CAND2: variants seen among roughly 807,000 people sequenced by gnomAD.
The protein encoded by CAND2 is cullin-associated NEDD8-dissociated protein 2.
A neutral mutation model predicts 98.9 loss-of-function variants in CAND2; 62 were observed. That is an observed-to-expected ratio of 0.63 (90% CI 0.51 to 0.77). The LOEUF is 0.77. Ranked by LOEUF, CAND2 falls within the 30% of genes least tolerant of loss-of-function variation. The pLI is 0.00. For synonymous variants in CAND2, 770 were observed against 731.9 expected (o/e 1.05, Z -0.84); for missense variants, 1,501 against 1,655.2 (o/e 0.91, Z 1.62).
chr3:12,811,528 A>G (rs2061851670), intron 5 of CAND2, among the ~76,000 whole-genome samples: 1 of 152,196 alleles, frequency 6.6e-6, no homozygotes, highest in African/African-American at 2.4e-5. Context: ...TTGATAACAG[A>G]TGCTATTTAT....
intron 13 of CAND2, among the ~76,000 whole-genome samples, chr3:12,828,865 GTCC>G (rs151162832): frequency 0.01 from 1,550 of 152,262 alleles, 31 homozygotes; most frequent in African/African-American, 0.036. Context: ...TTAGTCTGAT[GTCC>G]TCAAGGTTCA....
In CAND2 at chr3:12,820,396, ATCACACC is replaced by A. The variant is rs1161593395; in HGVS notation, c.3040+218_3040+224del. ...AATCATGGGTGGGTGTGGCATGCCC[ATCACACC>A]TCTAAGCCTCGCTTTCCTCATCTGT... is the stretch of plus-strand genomic sequence containing the variant. On this transcript the variant is annotated intron_variant, in intron 11 of 14. Transcript: ENST00000456430. Among the ~76,000 whole-genome samples, 12 of 152,204 alleles carry A rather than the reference ATCACACC, an allele frequency of 7.9e-5. No homozygotes were observed. In the East Asian group the frequency reaches 9.6e-4, roughly 12 times the overall value.
intron 2 of CAND2, chr3:12,807,089 A>G: frequency 2.1e-6 from 1 of 481,300 alleles, no homozygotes; most frequent in South Asian, 3.6e-5. Context: ...ATTTCCTGAG[A>G]CGTAAAACAC....
At chr3:12,810,024 G>T in intron 4 of CAND2, 35 bp from the exon 5 acceptor site, 1 of 1,386,890 alleles carries the variant, frequency 7.2e-7, no homozygotes, top group Non-Finnish European at 9.3e-7. Flanking sequence ...TGCCCGCGGA[G>T]TGCGATCGGC....
chr3:12,827,304 A>G (rs2062011274), intron 12 of CAND2, 136 bp from the exon 13 acceptor site: 1 of 704,254 alleles, frequency 1.4e-6, no homozygotes, highest in Non-Finnish European at 2.4e-6. Flanking sequence ...GAGCAAAGGC[A>G]TGGAGACTTG....
chr3:12,825,487 C>G lies in CAND2; in HGVS notation c.3058C>G (p.Leu1020Val). Residue 1020 changes from leucine to valine, a missense_variant, in exon 12 of 15, where the codon CTG (leucine) becomes GTG (valine). By Grantham distance (32) the Leu-to-Val change is conservative. Around this residue, in one of 3 missense-constraint regions of CAND2, gnomAD observed 1,427 missense variants for 1,545.3 expected, o/e 0.92. Coordinates refer to ENST00000456430, the MANE Select transcript of CAND2 (RefSeq NM_001162499.2). ...KSFIGEFMES[L>V]QDPDLNVRRA... is the part of the protein sequence containing the mutation. ...TCTGCCAGGAGAGTTCATGGAGAGC[C>G]TGCAGGACCCAGACCTGAACGTGCG... 1 of 1,557,146 alleles carries G rather than the reference C, an allele frequency of 6.4e-7. No homozygotes were observed. Among genetic ancestry groups the G allele is most frequent in the Admixed American group, 1.9e-5 (1 of 51,320 alleles).
Position 12,825,517 on chromosome 3 carries a change from G to GCGACTCTGGCTTTCTT in CAND2, c.3090_3105dup (p.Asn1036AspfsTer22). The GCGACTCTGGCTTTCTT allele has an allele frequency of 6.3e-7, 1 of 1,591,546 alleles. No homozygotes were observed. The highest frequency in any genetic ancestry group is 8.6e-7 in the Non-Finnish European group (1 of 1,168,816). The stretch of plus-strand genomic sequence containing the variant: ...GGACCCAGACCTGAACGTGCGCCGT[G>GCGACTCTGGCTTTCTT]CGACTCTGGCTTTCTTCAACTCAGC... On this transcript the variant is annotated frameshift_variant, in exon 12 of 15. Transcript: ENST00000456430. LOFTEE classifies it high-confidence loss of function.
intron 7 of CAND2, 67 bp downstream of exon 7, chr3:12,813,455 A>G (rs2124849463): frequency 6.5e-7 from 1 of 1,536,920 alleles, no homozygotes; most frequent in Non-Finnish European, 8.8e-7. Flanking sequence ...GGATCCCCCA[A>G]CCAAAGACAG....
In CAND2 at chr3:12,834,316, G is replaced by C; in HGVS notation, c.*334G>C. Reference sequence around the variant, plus strand: ...GAGGGTGTCTCTGCCTCACAAACTAGTAGTATTTAGAAATAGGCTGTGCTG... The same window carrying C: ...GAGGGTGTCTCTGCCTCACAAACTACTAGTATTTAGAAATAGGCTGTGCTG... On this transcript the variant is annotated 3_prime_UTR_variant, in exon 15 of 15. Coordinates refer to ENST00000456430, the MANE Select transcript of CAND2 (RefSeq NM_001162499.2). 3.5e-6 allele frequency: 1 copy of C among 289,726 alleles called. No homozygotes were observed. The highest frequency in any genetic ancestry group is 6.6e-6 in the Non-Finnish European group (1 of 151,352). 17.9% of individuals were successfully genotyped at this position (289,726 alleles called of 1,614,324 possible). A position where few individuals can be genotyped will look rare whatever the true frequency, so the allele number is the denominator to read the frequency against.
chr3:12,833,922 T>A lies in CAND2; in HGVS notation c.3651T>A (p.Phe1217Leu). ...CCAACCCTGAACTTGCTGCCCTCTTTGAAAGCATCCAGAAGGATTCCGCTT... is the reference window on the plus strand; with the variant it reads ...CCAACCCTGAACTTGCTGCCCTCTTAGAAAGCATCCAGAAGGATTCCGCTT... ...IRSNPELAAL[F>L]ESIQKDSASA... Residue 1217 changes from phenylalanine (F) to leucine (L), a missense_variant, in exon 15 of 15, where the codon TTT becomes TTA. Phe to Leu is a conservative substitution (Grantham distance 22). Transcript: ENST00000456430. 6.2e-7 allele frequency: 1 copy of A among 1,614,208 alleles called. No individual in the cohort carries two copies. Among genetic ancestry groups the A allele is most frequent in the Non-Finnish European group, 8.5e-7 (1 of 1,180,026 alleles).
Position 12,815,263 on chromosome 3 carries a change from C to T in CAND2, c.1129C>T (p.Leu377=). ...PDLLPDFHCT[L]APVLIRRFKE... is the part of the protein sequence containing the mutation. Reference sequence around the variant, plus strand: ...CCTGCTGCCCGATTTCCACTGCACCCTGGCACCTGTGCTCATCCGCCGCTT... The same window carrying T: ...CCTGCTGCCCGATTTCCACTGCACCTTGGCACCTGTGCTCATCCGCCGCTT... The change falls in exon 8 of 15, where the codon CTG becomes TTG. Residue 377 remains leucine, a synonymous_variant. Transcript: ENST00000456430. This position sits in a 1 kb window ranked among gnomAD's most constrained non-coding sequence, Gnocchi z 5.7. 1 of 1,613,930 alleles carries T rather than the reference C, an allele frequency of 6.2e-7. No individual in the cohort carries two copies. Among genetic ancestry groups the T allele is most frequent in the Non-Finnish European group, 8.5e-7 (1 of 1,180,050 alleles).
chr3:12,832,185 G>A (rs1407432695), intron 14 of CAND2: 2 of 152,238 alleles, frequency 1.3e-5, no homozygotes, highest in Non-Finnish European at 2.9e-5. Flanking sequence ...AAAGAGGAGA[G>A]ATACCCATAA....
intron 12 of CAND2, among the ~76,000 whole-genome samples, chr3:12,826,330 G>A (rs975043497): frequency 3.3e-5 from 5 of 152,358 alleles, no homozygotes; most frequent in African/African-American, 1.2e-4. Context: ...AATACTAGCA[G>A]CATTGAGGCC....
At chr3:12,812,390 ATTTTTTTT>A (rs35620069) in intron 5 of CAND2, among the ~76,000 whole-genome samples, 4 of 66,730 alleles carry the variant, frequency 6.0e-5, no homozygotes, top group South Asian at 4.0e-4. Flanking sequence ...TGCCCGGCTA[ATTTTTTTT>A]TTTTTTTTTT....
chr3:12,797,547 G>A (rs2061735588), intron 1 of CAND2, among the ~76,000 whole-genome samples: 1 of 152,054 alleles, frequency 6.6e-6, no homozygotes, highest in East Asian at 1.9e-4. Flanking sequence ...CAGGAATAGA[G>A]CTGAAAAGAA....
chr3:12,815,458 CT>C lies in CAND2; in HGVS notation c.1299+26del. The C allele has an allele frequency of 6.3e-7, 1 of 1,587,488 alleles. No individual in the cohort carries two copies. Among genetic ancestry groups the C allele is most frequent in the South Asian group, 1.1e-5 (1 of 88,956 alleles). ...GGTGGGCGTGCCTTCACCTCCACCCCTACCCCCGATTTGCCTACCCAGCCAC... is the reference window on the plus strand; with the variant it reads ...GGTGGGCGTGCCTTCACCTCCACCCCACCCCCGATTTGCCTACCCAGCCAC... On this transcript the variant is annotated intron_variant, in intron 8 of 14. Transcript: ENST00000456430. The surrounding 1 kb of genome is among the most constrained non-coding windows in gnomAD (Gnocchi z 5.7).
intron 12 of CAND2, 136 bp from the exon 13 acceptor site, chr3:12,827,304 A>T: frequency 1.4e-6 from 1 of 704,254 alleles, no homozygotes; most frequent in South Asian, 2.0e-5. Context: ...GAGCAAAGGC[A>T]TGGAGACTTG....
At chr3:12,818,986 CT>C (rs1454046894) in intron 10 of CAND2, among the ~76,000 whole-genome samples, 1 of 152,184 alleles carries the variant, frequency 6.6e-6, no homozygotes, top group East Asian at 1.9e-4. Context: ...GTCACATTTC[CT>C]TTTTAGCACC....
chr3:12,813,333 C>T lies in CAND2; in HGVS notation c.951C>T (p.Asp317=). ...AACACGACCCCAACTACAACTACGA[C>T]AGTGATGAGGATGAGGAGCAGATGG... is the stretch of plus-strand genomic sequence containing the variant. ...YIKHDPNYNY[D]SDEDEEQMET... The change falls in exon 7 of 15, where the codon GAC becomes GAT. Residue 317 remains aspartate, a synonymous_variant. Coordinates refer to ENST00000456430, the MANE Select transcript of CAND2 (RefSeq NM_001162499.2). 1.9e-6 allele frequency: 3 copies of T among 1,614,142 alleles called. No homozygotes were observed. The highest frequency in any genetic ancestry group is 2.5e-6 in the Non-Finnish European group (3 of 1,180,028).
Sources: allele counts gnomAD v4.1 joint callset (sites outside exome capture counted in the v4.1 genomes callset), GRCh38; gene constraint gnomAD v4.1.1; regional missense constraint gnomAD v4.1.1; non-coding constraint Gnocchi (gnomAD v3.1); transcripts MANE v1.5; gene names NCBI Gene and HGNC (gene_info 2026-07-23, HGNC 2026-07-21).